The following LHX4 variants were observed in gnomAD, a reference collection of about 807,000 sequenced individuals.
LHX4 encodes LIM/homeobox protein Lhx4.
A neutral mutation model predicts 39.2 loss-of-function variants in LHX4; 16 were observed. The observed-to-expected ratio is 0.41, with a 90% CI of 0.28 to 0.62. LHX4 has a LOEUF of 0.62. LHX4 is among the 20% of genes least tolerant of loss of function. The pLI is 0.33. For missense variants in LHX4, 439 were observed against 511.9 expected, an observed-to-expected ratio of 0.86 and a Z score of 1.37; for synonymous variants, 206 against 198.1, an observed-to-expected ratio of 1.04 and a Z score of -0.33.
At chr1:180,259,712 GAGGGC>G (rs971573995) in intron 2 of LHX4, among the ~76,000 whole-genome samples, 6 of 151,712 alleles carry the variant, frequency 4.0e-5, no homozygotes, top group Non-Finnish European at 7.4e-5. Flanking sequence ...AGGGCGGAGA[GAGGGC>G]AGGGTCCAGG....
At chr1:180,271,244 G>C in intron 3 of LHX4, 136 bp from the exon 4 acceptor site, 1 of 950,992 alleles carries the variant, frequency 1.1e-6, no homozygotes, top group Non-Finnish European at 1.7e-6. Context: ...TCTCCACTCT[G>C]ATGTCCCCTG....
rs555341594 is a variant in LHX4 at position 180,232,581 on chromosome 1, C to T, written c.76+1976C>T. On this transcript the variant is annotated intron_variant, in intron 1 of 5. Transcript: ENST00000263726. The surrounding 1 kb of genome is among the most constrained non-coding windows in gnomAD (Gnocchi z 5.4). The stretch of plus-strand genomic sequence containing the variant: ...GTCTAATCTAGAGGGGGTGGTCAGT[C>T]CTCCCTTTGTCCGAGTTTCGTGACC... Among the ~76,000 whole-genome samples the T allele has an allele frequency of 2.0e-5, 3 of 152,288 alleles. No homozygotes were observed. The highest frequency in any genetic ancestry group is 1.3e-4 in the Admixed American group (2 of 15,300).
rs138866214 is a variant in LHX4, at chr1:180,232,304, A to G, written c.76+1699A>G. Among the ~76,000 whole-genome samples, 384 of 152,316 alleles carry G rather than the reference A, an allele frequency of 2.5e-3. 2 individuals carry two copies. Among genetic ancestry groups the G allele is most frequent in the Non-Finnish European group, 4.0e-3 (270 of 68,024 alleles). On this transcript the variant is annotated intron_variant, in intron 1 of 5. Transcript: ENST00000263726. This position sits in a 1 kb window ranked among gnomAD's most constrained non-coding sequence, Gnocchi z 5.4. ...AGGTGACCTGTCTGTTGGGACCCCA[A>G]TGAAGGACGATGGTCTCTGCTCTGA... is the stretch of plus-strand genomic sequence containing the variant.
intron 5 of LHX4, 196 bp from the exon 6 acceptor site, chr1:180,273,989 T>G: frequency 1.6e-6 from 1 of 623,564 alleles, no homozygotes; most frequent in Non-Finnish European, 2.8e-6. Flanking sequence ...TGCAGGTGTT[T>G]CTTGTTTTTC....
At chr1:180,252,918 G>T (rs1647690768) in intron 2 of LHX4, among the ~76,000 whole-genome samples, 2 of 152,210 alleles carry the variant, frequency 1.3e-5, no homozygotes, top group South Asian at 4.1e-4. Flanking sequence ...GCTCTGTCTT[G>T]CTCAGTAACA....
chr1:180,249,218 G>T (rs1647502916), intron 2 of LHX4, among the ~76,000 whole-genome samples: 1 of 152,220 alleles, frequency 6.6e-6, no homozygotes, highest in African/African-American at 2.4e-5. Context: ...TCAGGACAGT[G>T]CCTGACACTT....
intron 1 of LHX4, among the ~76,000 whole-genome samples, chr1:180,247,405 C>T (rs1328948986): frequency 6.6e-6 from 1 of 152,202 alleles, no homozygotes; most frequent in Non-Finnish European, 1.5e-5. Context: ...TCCAGGATAA[C>T]TCTCAGCCCC....
At chr1:180,231,153 C>G (rs1314200657) in intron 1 of LHX4, among the ~76,000 whole-genome samples, 13 of 151,222 alleles carry the variant, frequency 8.6e-5, no homozygotes, top group African/African-American at 1.2e-4. Context: ...CCGCGGCGCC[C>G]GCCGCGTGCG....
In LHX4 at chr1:180,271,812, T is replaced by G. The variant is rs1296079146; in HGVS notation, c.607-23T>G. On this transcript the variant is annotated intron_variant, in intron 4 of 5. Transcript: ENST00000263726. ...GTTTGTGGTGGACGCCCCCTGAGTA[T>G]GTCCCTTGTGCTTGTGTGGCAGGTT... 5.0e-6 allele frequency: 8 copies of G among 1,613,538 alleles called. No homozygotes were observed. In the African/African-American group the frequency reaches 1.1e-4, roughly 22 times the overall value.
At position 180,277,910 on chromosome 1, in the gene LHX4, A is replaced by AAGAT. The variant is rs1443823524; in HGVS notation, c.*3333_*3336dup. The AAGAT allele has an allele frequency of 1.3e-5, 2 of 152,152 alleles. No homozygotes were observed. The highest frequency in any genetic ancestry group is 3.9e-4 in the East Asian group (2 of 5,178). The allele number at this position is 152,152 out of a possible 1,614,324, so 9.4% of individuals were successfully genotyped here. ...GGCAGTGTAAAACATGAAACCTAGT[A>AAGAT]AGATAATTGGGCCATTAGATCTTCA... On this transcript the variant is annotated 3_prime_UTR_variant, in exon 6 of 6. Coordinates refer to ENST00000263726, the MANE Select transcript of LHX4 (RefSeq NM_033343.4).
At chr1:180,241,488 C>T (rs996887252) in intron 1 of LHX4, among the ~76,000 whole-genome samples, 1 of 152,132 alleles carries the variant, frequency 6.6e-6, no homozygotes, top group African/African-American at 2.4e-5. Context: ...TGACCACTGG[C>T]CTTGGACAGT....
intron 1 of LHX4, among the ~76,000 whole-genome samples, chr1:180,233,786 G>T (rs1360106764): frequency 6.6e-6 from 1 of 152,140 alleles, no homozygotes; most frequent in East Asian, 1.9e-4. Context: ...TCCGCTGGGG[G>T]TGGTAATTGG....
At chr1:180,245,180 C>T (rs945107758) in intron 1 of LHX4, among the ~76,000 whole-genome samples, 2 of 152,222 alleles carry the variant, frequency 1.3e-5, no homozygotes, top group Admixed American at 6.5e-5. Context: ...CTCAGCAGAC[C>T]GCAAGGGCAC....
chr1:180,265,647 C>A (rs1648281600), intron 2 of LHX4, among the ~76,000 whole-genome samples: 1 of 152,206 alleles, frequency 6.6e-6, no homozygotes, highest in South Asian at 2.1e-4. Flanking sequence ...TCTGAAGCAG[C>A]ATTTTCCAAA....
In LHX4 at chr1:180,276,220, T is replaced by C. The variant is rs2149270240; in HGVS notation, c.*1641T>C. ...TAAGGACCCTTCCTTCTACGAATGG[T>C]TGGTCACCTTTTGAGGACTGCAAAG... On this transcript the variant is annotated 3_prime_UTR_variant, in exon 6 of 6. Coordinates refer to ENST00000263726, the MANE Select transcript of LHX4 (RefSeq NM_033343.4). 1.3e-5 allele frequency: 2 copies of C among 152,298 alleles called. No homozygotes were observed. Among genetic ancestry groups the C allele is most frequent in the Non-Finnish European group, 2.9e-5 (2 of 68,046 alleles). The allele number at this position is 152,298 out of a possible 1,614,324, so 9.4% of individuals were successfully genotyped here.
chr1:180,260,431 T>C (rs357054), intron 2 of LHX4, among the ~76,000 whole-genome samples: 85,651 of 151,354 alleles, frequency 0.57, 24,972 homozygotes, highest in African/African-American at 0.64. Flanking sequence ...CAAGCCTGTC[T>C]TGCACTGGTG....
At chr1:180,238,386 G>T (rs1164992856) in intron 1 of LHX4, among the ~76,000 whole-genome samples, 2 of 152,150 alleles carry the variant, frequency 1.3e-5, no homozygotes, top group Non-Finnish European at 2.9e-5. Context: ...TTTTCTGGTT[G>T]CTAGTCATTT....
chr1:180,247,375 G>A (rs938958575), intron 1 of LHX4, among the ~76,000 whole-genome samples: 6 of 152,178 alleles, frequency 3.9e-5, no homozygotes, highest in Non-Finnish European at 1.5e-5. Context: ...TCAACTCAGT[G>A]GAGCCAGCTG....
chr1:180,236,078 A>G lies in LHX4; in HGVS notation c.76+5473A>G, dbSNP rs1444461049. Among the ~76,000 whole-genome samples, 4 of 152,066 alleles carry G rather than the reference A, an allele frequency of 2.6e-5. 1 individual carries two copies. The highest frequency in any genetic ancestry group is 5.9e-5 in the Non-Finnish European group (4 of 68,002). On this transcript the variant is annotated intron_variant, in intron 1 of 5. Coordinates refer to ENST00000263726, the MANE Select transcript of LHX4 (RefSeq NM_033343.4). ...ACACGCCAAAAACAAAGGGGGGTTA[A>G]GGCAAGAATGTAGACTAAATGCTGT... is the stretch of plus-strand genomic sequence containing the variant.
Sources: gnomAD v4.1 joint callset for allele counts (sites outside exome capture counted in the v4.1 genomes callset) on GRCh38, gnomAD v4.1.1 for gene constraint, Gnocchi (gnomAD v3.1) non-coding constraint, MANE v1.5 for transcripts, NCBI Gene and HGNC (gene_info 2026-07-23, HGNC 2026-07-21) for gene names.